The following STEAP2 variants were observed in gnomAD, a reference collection of about 807,000 sequenced individuals.
The protein encoded by STEAP2 is STEAP2 metalloreductase, also known as metalloreductase STEAP2.
In STEAP2, 30 loss-of-function variants were observed where a neutral mutation model predicts 46.4. The ratio of observed to expected loss-of-function variants is 0.65; its 90% CI spans 0.48 to 0.88. The LOEUF (loss-of-function observed/expected upper bound fraction) is 0.88, where lower values mean the gene tolerates loss of function less well. Among genes scored for constraint, STEAP2 ranks in the 40% least tolerant of loss-of-function variants. The probability of loss-of-function intolerance (pLI) is 0.00; values close to 1 mark genes in which losing one functional copy is unlikely to be tolerated. For missense variants in STEAP2, 513 were observed against 579.3 expected (o/e 0.89, Z 1.18); for synonymous variants, 180 against 200.5 (o/e 0.90, Z 0.86).
chr7:90,241,278 A>G (rs985972558), downstream of STEAP2, among the ~76,000 whole-genome samples: 10 of 152,102 alleles, frequency 6.6e-5, no homozygotes, highest in African/African-American at 2.2e-4. Flanking sequence ...ATTCTGAGTC[A>G]GTAGGTCCAC....
chr7:90,227,296 C>T lies in STEAP2; in HGVS notation c.818C>T (p.Ala273Val). ...AITLLSLVYL[A>V]GLLAAAYQLY... ...ACTTTGCTCTCCCTAGTATACCTCG[C>T]AGGTCTTCTGGCAGCTGCTTATCAA... Residue 273 changes from alanine to valine, a missense_variant, in exon 4 of 6, where the codon GCA becomes GTA. Ala to Val is a moderately conservative substitution (Grantham distance 64). Coordinates refer to ENST00000394621, the MANE Select transcript of STEAP2 (RefSeq NM_001244944.2). 1 of 1,613,848 alleles carries T rather than the reference C, an allele frequency of 6.2e-7. No homozygotes were observed. The highest frequency in any genetic ancestry group is 8.5e-7 in the Non-Finnish European group (1 of 1,179,824).
At chr7:90,222,443 AC>A (rs1795290833) in intron 2 of STEAP2, among the ~76,000 whole-genome samples, 1 of 151,962 alleles carries the variant, frequency 6.6e-6, no homozygotes, top group Non-Finnish European at 1.5e-5. Flanking sequence ...GATACTTATA[AC>A]CCCCCAAAAA....
At position 90,236,829 on chromosome 7, in the gene STEAP2, C is replaced by A. The variant is rs17869511; in HGVS notation, c.*4205C>A. 1.7e-3 allele frequency: 2,696 copies of A among 1,605,580 alleles called. 31 individuals are homozygous for A. In the African/African-American group the frequency reaches 0.029, roughly 17 times the overall value. On this transcript the variant is annotated 3_prime_UTR_variant, in exon 6 of 6. Transcript: ENST00000394621. ...CTAAATTAAATCACAAAAGCAGATG[C>A]TTTTGTATGATCTCCAAATTGCCAA...
At chr7:90,220,599 T>C (rs535470009) in intron 2 of STEAP2, among the ~76,000 whole-genome samples, 1 of 152,292 alleles carries the variant, frequency 6.6e-6, no homozygotes, top group Non-Finnish European at 1.5e-5. Flanking sequence ...CCATCCTTTG[T>C]ATTGTTTTTT....
In STEAP2 at chr7:90,233,491, A is replaced by G. The variant is rs1333929890; in HGVS notation, c.*867A>G. 1 of 985,264 alleles carries G rather than the reference A, an allele frequency of 1.0e-6. No homozygotes were observed. The highest frequency in any genetic ancestry group is 1.7e-5 in the African/African-American group (1 of 57,200). 61.0% of individuals were successfully genotyped at this position (985,264 alleles called of 1,614,324 possible). On this transcript the variant is annotated 3_prime_UTR_variant, in exon 6 of 6. Transcript: ENST00000394621. ...GCCAGCTGACCTTTGTCGCACCTTA[A>G]CCAGTCACCACTTGCTATGGTATAG... is the stretch of plus-strand genomic sequence containing the variant.
rs148707841 is a variant in STEAP2 at position 90,217,166 on chromosome 7, A to G, written c.-34+563A>G. Among the ~76,000 whole-genome samples, 11 of 152,358 alleles carry G rather than the reference A, an allele frequency of 7.2e-5. No individual in the cohort carries two copies. The South Asian group carries it at 1.2e-3, about 17-fold the overall frequency. ...CATGTTACATATCTATGGGGTACAC[A>G]TGAGTATTTGTTATATCCATAGAAT... is the stretch of plus-strand genomic sequence containing the variant. On this transcript the variant is annotated intron_variant, in intron 2 of 5. Transcript: ENST00000394621.
In STEAP2 at chr7:90,234,187, C is replaced by T; in HGVS notation, c.*1563C>T. 6.1e-6 allele frequency: 6 copies of T among 985,170 alleles called. No homozygotes were observed. The highest frequency in any genetic ancestry group is 7.2e-6 in the Non-Finnish European group (6 of 829,722). The allele number at this position is 985,170 out of a possible 1,614,324, so 61.0% of individuals were successfully genotyped here. ...GCTAATTATAAATCTACTCTAGAGA[C>T]ATATAATCATACAGATTATTCATAA... On this transcript the variant is annotated 3_prime_UTR_variant, in exon 6 of 6. Transcript: ENST00000394621.
In STEAP2 at chr7:90,235,539, T is replaced by A. The variant is rs1795934895; in HGVS notation, c.*2915T>A. The A allele has an allele frequency of 1.0e-6, 1 of 985,056 alleles. No homozygotes were observed. Among genetic ancestry groups the A allele is most frequent in the South Asian group, 4.7e-5 (1 of 21,282 alleles). 61.0% of individuals were successfully genotyped at this position (985,056 alleles called of 1,614,324 possible). A position where few individuals can be genotyped will look rare whatever the true frequency, so the allele number is the denominator to read the frequency against. On this transcript the variant is annotated 3_prime_UTR_variant, in exon 6 of 6. Transcript: ENST00000394621. ...GAACCTTAGAGCAGTGGAGATTTGC[T>A]ACCTGGTCTGTGTTTTGAGAAGTGC...
In STEAP2 at chr7:90,227,031, T is replaced by C. The variant is rs1177001805; in HGVS notation, c.553T>C (p.Leu185=). The change falls in exon 4 of 6, where the codon TTG becomes CTG. Residue 185 remains leucine (L), a synonymous_variant. Transcript: ENST00000394621. ...ACAGGTTATTGAACTTGCCCGCCAG[T>C]TGAATTTCATTCCCATTGACTTGGG... ...RQQVIELARQ[L]NFIPIDLGSL... is the part of the protein sequence containing the mutation. 1.9e-6 allele frequency: 3 copies of C among 1,612,466 alleles called. No homozygotes were observed. Among genetic ancestry groups the C allele is most frequent in the Non-Finnish European group, 2.5e-6 (3 of 1,179,454 alleles).
At chr7:90,243,042 G>A (rs1009976168), downstream of STEAP2, among the ~76,000 whole-genome samples, 23 of 152,278 alleles carry the variant, frequency 1.5e-4, no homozygotes, top group African/African-American at 4.1e-4. Context: ...TGAGAAAAGC[G>A]GAAGAATGAC....
rs1247160903 is a variant in STEAP2, at chr7:90,234,172, A to T, written c.*1548A>T. 1.0e-6 allele frequency: 1 copy of T among 985,238 alleles called. No homozygotes were observed. The highest frequency in any genetic ancestry group is 1.7e-5 in the African/African-American group (1 of 57,214). The allele number at this position is 985,238 out of a possible 1,614,324, so 61.0% of individuals were successfully genotyped here. On this transcript the variant is annotated 3_prime_UTR_variant, in exon 6 of 6. Coordinates refer to ENST00000394621, the MANE Select transcript of STEAP2 (RefSeq NM_001244944.2). ...ATATTAGGGTAAGTGGCTAATTATAAATCTACTCTAGAGACATATAATCAT... is the reference window on the plus strand; with the variant it reads ...ATATTAGGGTAAGTGGCTAATTATATATCTACTCTAGAGACATATAATCAT...
At chr7:90,218,205 A>G (rs1281963384) in intron 2 of STEAP2, among the ~76,000 whole-genome samples, 1 of 152,088 alleles carries the variant, frequency 6.6e-6, no homozygotes, top group Non-Finnish European at 1.5e-5. Flanking sequence ...ATTTTCTTCT[A>G]TTCAATAGGT....
chr7:90,242,833 A>G (rs946683828), downstream of STEAP2, among the ~76,000 whole-genome samples: 1 of 152,216 alleles, frequency 6.6e-6, no homozygotes, highest in Admixed American at 6.5e-5. Flanking sequence ...TGCTGGGCCC[A>G]TAAAGATACC....
downstream of STEAP2, among the ~76,000 whole-genome samples, chr7:90,241,102 G>C (rs1287741647): frequency 1.3e-5 from 2 of 152,132 alleles, no homozygotes; most frequent in African/African-American, 4.8e-5. Flanking sequence ...GGAATAATTA[G>C]TGAAAACCAG....
intron 2 of STEAP2, among the ~76,000 whole-genome samples, chr7:90,221,644 T>C (rs1012640067): frequency 1.3e-5 from 2 of 152,164 alleles, no homozygotes; most frequent in Non-Finnish European, 2.9e-5. Flanking sequence ...TTCCCAAGTC[T>C]AGTGAGAGAT....
At chr7:90,217,716 AAAAAAAAAAAC>A (rs1320219039) in intron 2 of STEAP2, among the ~76,000 whole-genome samples, 8 of 147,488 alleles carry the variant, frequency 5.4e-5, no homozygotes, top group East Asian at 5.3e-4. Flanking sequence ...AAAAAAAAAA[AAAAAAAAAAAC>A]ATGTGAGGAC....
In STEAP2 at chr7:90,234,377, T is replaced by C. The variant is rs1359393267; in HGVS notation, c.*1753T>C. Reference sequence around the variant, plus strand: ...TCCTGAAATTATAACATTTCTAAACTTACCCACGTAGGTACTACTGAATCC... The same window carrying C: ...TCCTGAAATTATAACATTTCTAAACCTACCCACGTAGGTACTACTGAATCC... On this transcript the variant is annotated 3_prime_UTR_variant, in exon 6 of 6. Transcript: ENST00000394621. 1 of 985,206 alleles carries C rather than the reference T, an allele frequency of 1.0e-6. No individual in the cohort carries two copies. Among genetic ancestry groups the C allele is most frequent in the Non-Finnish European group, 1.2e-6 (1 of 829,920 alleles). The allele number at this position is 985,206 out of a possible 1,614,324, so 61.0% of individuals were successfully genotyped here.
downstream of STEAP2, among the ~76,000 whole-genome samples, chr7:90,242,912 A>C (rs983175588): frequency 6.6e-6 from 1 of 152,244 alleles, no homozygotes; most frequent in Non-Finnish European, 1.5e-5. Context: ...GGTTGTAAAA[A>C]GAGGAGAGGG....
Position 90,234,189 on chromosome 7 carries a change from T to TA in STEAP2, c.*1566dup. 1 of 985,322 alleles carries TA rather than the reference T, an allele frequency of 1.0e-6. No homozygotes were observed. Among genetic ancestry groups the TA allele is most frequent in the African/African-American group, 1.7e-5 (1 of 57,370 alleles). 61.0% of individuals were successfully genotyped at this position (985,322 alleles called of 1,614,324 possible). ...TAATTATAAATCTACTCTAGAGACA[T>TA]ATAATCATACAGATTATTCATAAAA... On this transcript the variant is annotated 3_prime_UTR_variant, in exon 6 of 6. Coordinates refer to ENST00000394621, the MANE Select transcript of STEAP2 (RefSeq NM_001244944.2).
Sources: allele counts gnomAD v4.1 joint callset (sites outside exome capture counted in the v4.1 genomes callset), GRCh38; gene constraint gnomAD v4.1.1; transcripts MANE v1.5; gene names NCBI Gene and HGNC (gene_info 2026-07-23, HGNC 2026-07-21).